Variants in VPS13C observed in about 807,000 individuals in gnomAD.
VPS13C encodes vacuolar protein sorting 13 homolog C, also known as intermembrane lipid transfer protein VPS13C.
VPS13C carries 358 observed loss-of-function variants against 456.8 expected under a neutral mutation model. The ratio of observed to expected loss-of-function variants is 0.78; its 90% CI spans 0.72 to 0.86. The LOEUF (loss-of-function observed/expected upper bound fraction) is 0.86, where lower values mean the gene tolerates loss of function less well. Ranked by LOEUF, VPS13C falls within the 40% of genes least tolerant of loss-of-function variation. The probability of loss-of-function intolerance (pLI) is 0.00; values close to 1 mark genes in which losing one functional copy is unlikely to be tolerated. For synonymous variants in VPS13C, 1,578 were observed against 1,486.7 expected, an observed-to-expected ratio of 1.06 and a Z score of -1.41; for missense variants, 4,818 against 4,385.4, an observed-to-expected ratio of 1.10 and a Z score of -2.79.
intron 81 of VPS13C, chr15:61,866,862 A>G (rs1038658809): frequency 2.1e-6 from 2 of 974,008 alleles, no homozygotes; most frequent in Non-Finnish European, 2.4e-6. Context: ...ATATGTTAAT[A>G]GTTTCATTCT....
rs772036922 is a variant in VPS13C at position 61,921,965 on chromosome 15, T to C, written c.7044A>G (p.Gln2348=). 28 of 1,613,522 alleles carry C rather than the reference T, an allele frequency of 1.7e-5. No homozygotes were observed. In the South Asian group the frequency reaches 2.6e-4, roughly 15 times the overall value. The change falls in exon 55 of 85, where the codon CAA becomes CAG. Residue 2348 remains glutamine (Q), a synonymous_variant. Transcript: ENST00000644861. ...PLIERVEGKR[Q]WNLRLDVKKN... is the part of the protein sequence containing the mutation. The stretch of plus-strand genomic sequence containing the variant: ...TCCTTACATCAAGCCTTAAATTCCA[T>C]TGTCTCTTCCCCTCCACTCTCTCAA...
intron 42 of VPS13C, 78 bp downstream of exon 42, chr15:61,949,365 T>A: frequency 6.6e-7 from 1 of 1,510,338 alleles, no homozygotes; most frequent in Non-Finnish European, 9.0e-7. Context: ...TAAATATTCA[T>A]CTTAACTGAA....
intron 77 of VPS13C, 54 bp from the exon 78 acceptor site, chr15:61,873,463 C>T (rs1034168545): frequency 6.6e-7 from 1 of 1,511,592 alleles, no homozygotes; most frequent in Admixed American, 2.0e-5. Context: ...ATACAAGGAA[C>T]TCAACAGCAA....
At chr15:62,028,159 C>T (rs1024771177) in intron 6 of VPS13C, among the ~76,000 whole-genome samples, 199 bp downstream of exon 6, 1 of 151,858 alleles carries the variant, frequency 6.6e-6, no homozygotes, top group South Asian at 2.1e-4. Flanking sequence ...CAGTGATTGC[C>T]ACAAGACACT....
At chr15:62,001,235 G>C (rs1194058529) in intron 15 of VPS13C, among the ~76,000 whole-genome samples, 2 of 152,172 alleles carry the variant, frequency 1.3e-5, no homozygotes, top group Non-Finnish European at 2.9e-5. Flanking sequence ...CTAGACCTGA[G>C]AGTTTGAGAA....
At chr15:61,966,596 T>C (rs1192086686) in intron 29 of VPS13C, among the ~76,000 whole-genome samples, 2 of 151,920 alleles carry the variant, frequency 1.3e-5, no homozygotes, top group Non-Finnish European at 2.9e-5. Context: ...CCATCATAAC[T>C]AACCATTGGT....
At chr15:61,973,354 T>C in intron 26 of VPS13C, 100 bp downstream of exon 26, 1 of 946,612 alleles carries the variant, frequency 1.1e-6, no homozygotes, top group Non-Finnish European at 1.6e-6. Context: ...AGTAAATTAC[T>C]ACAGCACTTT....
chr15:61,906,997 A>G (rs778084903), intron 66 of VPS13C: 11 of 351,298 alleles, frequency 3.1e-5, no homozygotes, highest in Non-Finnish European at 5.3e-5. Flanking sequence ...TCCTTTTAAA[A>G]TAGGTAAATT....
Position 61,950,931 on chromosome 15 carries a change from A to G in VPS13C, c.4536+14T>C. On this transcript the variant is annotated intron_variant, in intron 40 of 84. Transcript: ENST00000644861. Reference sequence around the variant, plus strand: ...ATTCAAATATTAAAGAATCCTAGAAATGAAACTAGTTACCTTTGTCAGTAA... The same window carrying G: ...ATTCAAATATTAAAGAATCCTAGAAGTGAAACTAGTTACCTTTGTCAGTAA... The G allele has an allele frequency of 6.5e-7, 1 of 1,544,852 alleles. No homozygotes were observed. Among genetic ancestry groups the G allele is most frequent in the Non-Finnish European group, 8.8e-7 (1 of 1,134,658 alleles).
At chr15:61,984,357 T>G (rs1226020751) in intron 19 of VPS13C, among the ~76,000 whole-genome samples, 3 of 152,184 alleles carry the variant, frequency 2.0e-5, no homozygotes, top group Non-Finnish European at 4.4e-5. Flanking sequence ...ACCCTCTTAC[T>G]CCATTCCAGC....
chr15:61,993,717 AAC>A (rs1231090251), intron 16 of VPS13C, among the ~76,000 whole-genome samples: 1 of 152,174 alleles, frequency 6.6e-6, no homozygotes, highest in African/African-American at 2.4e-5. Context: ...AGTAACAAAG[AAC>A]AGTGAAGAAA....
In VPS13C at chr15:61,881,617, A is replaced by C. The variant is rs778650286; in HGVS notation, c.9722T>G (p.Ile3241Ser). 6.2e-7 allele frequency: 1 copy of C among 1,612,782 alleles called. No homozygotes were observed. The highest frequency in any genetic ancestry group is 1.1e-5 in the South Asian group (1 of 90,944). ...AAATCTTGTGATGACACTCACATCA[A>C]TGAAAGGCTTGGGCTCTAAGAGGAA... is the stretch of plus-strand genomic sequence containing the variant. ...IALDSEPKPFIDVSVITRFNE... is the reference protein window; with the variant it reads ...IALDSEPKPFSDVSVITRFNE... Residue 3241 changes from isoleucine to serine, a missense_variant, in exon 71 of 85, where the codon ATT becomes AGT. Around this residue, in one of 3 missense-constraint regions of VPS13C, gnomAD observed 4,552 missense variants for 4,130.6 expected, o/e 1.10. Coordinates refer to ENST00000644861, the MANE Select transcript of VPS13C (RefSeq NM_020821.3).
chr15:61,922,065 T>G, intron 54 of VPS13C, 32 bp from the exon 55 acceptor site: 1 of 1,598,346 alleles, frequency 6.3e-7, no homozygotes, highest in Non-Finnish European at 8.6e-7. Context: ...TATAAGACAG[T>G]CCTTTGGCTT....
intron 63 of VPS13C, among the ~76,000 whole-genome samples, chr15:61,911,564 A>C (rs1221033133): frequency 6.6e-6 from 1 of 152,198 alleles, no homozygotes; most frequent in Non-Finnish European, 1.5e-5. Context: ...CACACAGTAC[A>C]TAATCTCTAT....
At chr15:61,927,921 C>T (rs999848078) in intron 51 of VPS13C, among the ~76,000 whole-genome samples, 1 of 151,960 alleles carries the variant, frequency 6.6e-6, no homozygotes, top group African/African-American at 2.4e-5. Flanking sequence ...AAACCATCAT[C>T]CTCAGCAAAC....
chr15:61,874,809 C>A (rs2140886157), intron 77 of VPS13C, 67 bp downstream of exon 77: 1 of 1,375,448 alleles, frequency 7.3e-7, no homozygotes, highest in South Asian at 1.4e-5. Context: ...ATTTGTTTTT[C>A]ATAACAACGT....
intron 55 of VPS13C, 139 bp from the exon 56 acceptor site, chr15:61,920,786 C>T: frequency 2.9e-6 from 2 of 688,746 alleles, no homozygotes; most frequent in Non-Finnish European, 2.2e-6. Flanking sequence ...ATATACCATG[C>T]TTCACTTTGA....
At chr15:61,962,270 G>A in intron 34 of VPS13C, 101 bp downstream of exon 34, 3 of 1,044,806 alleles carry the variant, frequency 2.9e-6, no homozygotes, top group Non-Finnish European at 4.1e-6. Flanking sequence ...TTAAAATAAT[G>A]CCCACTCTAA....
intron 1 of VPS13C, among the ~76,000 whole-genome samples, chr15:62,051,066 T>A (rs1301844385): frequency 6.6e-6 from 1 of 152,104 alleles, no homozygotes; most frequent in Non-Finnish European, 1.5e-5. Context: ...TTTAAATACA[T>A]AATGGCCTAC....
Sources: allele counts gnomAD v4.1 joint callset (sites outside exome capture counted in the v4.1 genomes callset), GRCh38; gene constraint gnomAD v4.1.1; regional missense constraint gnomAD v4.1.1; transcripts MANE v1.5; gene names NCBI Gene and HGNC (gene_info 2026-07-23, HGNC 2026-07-21).